Variants in GALNT17 observed in about 807,000 individuals in gnomAD.
The protein encoded by GALNT17 is polypeptide N-acetylgalactosaminyltransferase 17, also known as UDP-GalNAc:polypeptide N-acetylgalactosaminyltransferase-like 3.
In GALNT17, 29 loss-of-function variants were observed where a neutral mutation model predicts 63.7. The observed-to-expected ratio is 0.46, with a 90% CI of 0.34 to 0.62. The LOEUF is 0.62. Among genes scored for constraint, GALNT17 ranks in the 20% least tolerant of loss-of-function variants. The pLI is 0.01. For missense variants in GALNT17, 603 were observed against 799.6 expected, an observed-to-expected ratio of 0.75 and a Z score of 2.97; for synonymous variants, 305 against 318.3, an observed-to-expected ratio of 0.96 and a Z score of 0.45.
At chr7:71,298,711 G>GGT (rs10602909) in intron 1 of GALNT17, among the ~76,000 whole-genome samples, 2,352 of 141,566 alleles carry the variant, frequency 0.017, 27 homozygotes, top group Middle Eastern at 0.029. Flanking sequence ...ATTCCAGTGG[G>GGT]GTGTGTGTGT....
intron 5 of GALNT17, among the ~76,000 whole-genome samples, chr7:71,490,711 G>A (rs1362264956): frequency 6.6e-6 from 1 of 151,990 alleles, no homozygotes; most frequent in East Asian, 1.9e-4. Context: ...ACCAGCCTGG[G>A]CAATACAGCA....
chr7:71,148,303 A>T lies in GALNT17; in HGVS notation c.238+15263A>T, dbSNP rs560552194. ...TCCTCATGATTACAAGATGGCTGCC[A>T]CAGTTCCAGCCATTGCATCTTTGTA... is the stretch of plus-strand genomic sequence containing the variant. On this transcript the variant is annotated intron_variant, in intron 1 of 10. Transcript: ENST00000333538. 3.9e-4 allele frequency among the ~76,000 whole-genome samples: 59 copies of T among 152,280 alleles called. 1 individual carries two copies. The highest frequency in any genetic ancestry group is 6.2e-4 in the South Asian group (3 of 4,824).
At chr7:71,321,913 T>TCCTTTCTTCCTTCCTC (rs1791619135) in intron 1 of GALNT17, among the ~76,000 whole-genome samples, 1 of 24,108 alleles carries the variant, frequency 4.1e-5, no homozygotes, top group Non-Finnish European at 8.9e-5. Flanking sequence ...CTTCCTTCCT[T>TCCTTTCTTCCTTCCTC]CCTTCCTTCC....
intron 5 of GALNT17, among the ~76,000 whole-genome samples, chr7:71,548,122 A>C (rs1584041482): frequency 6.6e-6 from 1 of 151,960 alleles, no homozygotes; most frequent in Non-Finnish European, 1.5e-5. Flanking sequence ...TGCACCTGTA[A>C]TCCCAGCTAC....
intron 6 of GALNT17, among the ~76,000 whole-genome samples, chr7:71,619,717 A>G (rs1790264845): frequency 6.6e-6 from 1 of 152,190 alleles, no homozygotes; most frequent in South Asian, 2.1e-4. Context: ...TTTTCTAGAT[A>G]TACAGTTTTA....
At chr7:71,264,347 T>C (rs772777275) in intron 1 of GALNT17, among the ~76,000 whole-genome samples, 6 of 152,130 alleles carry the variant, frequency 3.9e-5, no homozygotes, top group Admixed American at 3.9e-4. Flanking sequence ...GTTCTAGTCT[T>C]ATATAGGCAG....
At position 71,289,364 on chromosome 7, in the gene GALNT17, G is replaced by A. The variant is rs541371313; in HGVS notation, c.239-46186G>A. Among the ~76,000 whole-genome samples the A allele has an allele frequency of 3.0e-4, 45 of 152,258 alleles. No individual in the cohort carries two copies. In the South Asian group the frequency reaches 9.1e-3, roughly 31 times the overall value. ...CGTAAATACAGAGATATATTTATAT[G>A]TAGTTTGGTTTTTAAATTTTTGTCT... On this transcript the variant is annotated intron_variant, in intron 1 of 10. Transcript: ENST00000333538.
At chr7:71,398,143 T>A (rs1793173477) in intron 3 of GALNT17, among the ~76,000 whole-genome samples, 1 of 152,158 alleles carries the variant, frequency 6.6e-6, no homozygotes, top group South Asian at 2.1e-4. Flanking sequence ...TTTAGTGGCT[T>A]CCATCCTCAA....
intron 9 of GALNT17, among the ~76,000 whole-genome samples, chr7:71,693,954 G>A (rs192927243): frequency 3.9e-5 from 6 of 152,134 alleles, no homozygotes; most frequent in African/African-American, 1.4e-4. Flanking sequence ...TATTTAATCC[G>A]TTATTTTATT....
chr7:71,195,142 A>G (rs1468618122), intron 1 of GALNT17, among the ~76,000 whole-genome samples: 1 of 152,222 alleles, frequency 6.6e-6, no homozygotes, highest in Non-Finnish European at 1.5e-5. Flanking sequence ...CTAAAGAGTG[A>G]GTAGAATGAT....
chr7:71,649,612 AACACAC>A (rs148658729), intron 6 of GALNT17, among the ~76,000 whole-genome samples: 2,008 of 146,244 alleles, frequency 0.014, 24 homozygotes, highest in African/African-American at 0.041. Context: ...TTCAGGATTA[AACACAC>A]ACACACACAC....
chr7:71,278,209 T>A (rs1405981246), intron 1 of GALNT17, among the ~76,000 whole-genome samples: 1 of 152,206 alleles, frequency 6.6e-6, no homozygotes, highest in East Asian at 1.9e-4. Context: ...TTAGTAGCCT[T>A]CTTTACAGAT....
At chr7:71,624,739 C>A (rs1476765007) in intron 6 of GALNT17, among the ~76,000 whole-genome samples, 3 of 152,022 alleles carry the variant, frequency 2.0e-5, no homozygotes, top group South Asian at 2.1e-4. Context: ...AATAATAAAC[C>A]CATTGCAGGT....
intron 1 of GALNT17, among the ~76,000 whole-genome samples, chr7:71,142,925 G>A (rs1360313190): frequency 1.4e-5 from 2 of 144,942 alleles, no homozygotes; most frequent in Admixed American, 1.4e-4. Flanking sequence ...TGGGCGACAG[G>A]GCGAGACTCT....
At chr7:71,413,865 CTGT>C (rs754238463) in intron 3 of GALNT17, among the ~76,000 whole-genome samples, 1 of 129,872 alleles carries the variant, frequency 7.7e-6, no homozygotes, top group Non-Finnish European at 1.8e-5. Context: ...TTTCCATACA[CTGT>C]TGTTTGGAAC....
chr7:71,186,030 G>T (rs985681750), intron 1 of GALNT17, among the ~76,000 whole-genome samples: 2 of 152,162 alleles, frequency 1.3e-5, no homozygotes, highest in African/African-American at 4.8e-5. Context: ...CAACAGAGAT[G>T]CATTAAATCT....
intron 1 of GALNT17, among the ~76,000 whole-genome samples, chr7:71,273,678 A>G (rs1255749224): frequency 6.6e-6 from 1 of 152,182 alleles, no homozygotes; most frequent in African/African-American, 2.4e-5. Flanking sequence ...TCTCATTTGT[A>G]CTTTAGAGCC....
At chr7:71,198,369 A>G (rs1789097450) in intron 1 of GALNT17, among the ~76,000 whole-genome samples, 1 of 152,206 alleles carries the variant, frequency 6.6e-6, no homozygotes, top group Admixed American at 6.5e-5. Context: ...GCATTGCTGC[A>G]GTAACAGAAA....
intron 5 of GALNT17, among the ~76,000 whole-genome samples, chr7:71,515,820 G>GGA (rs1019547086): frequency 1.3e-5 from 2 of 152,158 alleles, no homozygotes; most frequent in Non-Finnish European, 2.9e-5. Context: ...GTAGGATCTG[G>GGA]GACCTGTGTT....
Sources: gnomAD v4.1 joint callset for allele counts (sites outside exome capture counted in the v4.1 genomes callset) on GRCh38, gnomAD v4.1.1 for gene constraint, MANE v1.5 for transcripts, NCBI Gene and HGNC (gene_info 2026-07-23, HGNC 2026-07-21) for gene names.